EPHA6: variants seen among roughly 807,000 people sequenced by gnomAD.
The protein encoded by EPHA6 is ephrin type-A receptor 6.
Under a neutral mutation model 112.0 loss-of-function variants are expected in EPHA6, and 50 were observed. The ratio of observed to expected loss-of-function variants is 0.45; its 90% confidence interval spans 0.36 to 0.56. The LOEUF (loss-of-function observed/expected upper bound fraction) is 0.56. EPHA6 is among the 20% of genes least tolerant of loss of function. EPHA6 has a pLI of 0.00. For synonymous variants in EPHA6, 529 were observed against 490.7 expected (o/e 1.08, Z -1.03); for missense variants, 1,280 against 1,417.4 (o/e 0.90, Z 1.56).
chr3:97,111,717 A>G (rs888710392), intron 3 of EPHA6, among the ~76,000 whole-genome samples: 5 of 152,092 alleles, frequency 3.3e-5, no homozygotes, highest in Admixed American at 6.6e-5. Flanking sequence ...CCATTCAAGC[A>G]ATGTACACTT....
intron 2 of EPHA6, among the ~76,000 whole-genome samples, chr3:96,926,079 CAA>C (rs1328210702): frequency 6.6e-6 from 1 of 152,042 alleles, no homozygotes; most frequent in African/African-American, 2.4e-5. Flanking sequence ...AATTTATAAA[CAA>C]AAGAGATTTA....
intron 3 of EPHA6, among the ~76,000 whole-genome samples, chr3:97,171,437 C>T (rs904900876): frequency 7.2e-5 from 11 of 151,730 alleles, no homozygotes; most frequent in African/African-American, 2.7e-4. Context: ...ATTGAATCAC[C>T]TATATTTATA....
chr3:97,327,317 T>C (rs762490420), intron 5 of EPHA6, among the ~76,000 whole-genome samples: 11 of 152,150 alleles, frequency 7.2e-5, no homozygotes, highest in East Asian at 1.9e-4. Flanking sequence ...CACATGCAAA[T>C]ATAAGAAATA....
intron 2 of EPHA6, among the ~76,000 whole-genome samples, chr3:96,974,480 CTT>C (rs200707051): frequency 7.0e-6 from 1 of 141,942 alleles, no homozygotes. Context: ...TCCTCTGTCT[CTT>C]TTTTTTTTTA....
At chr3:97,095,552 C>T (rs1168195627) in intron 3 of EPHA6, among the ~76,000 whole-genome samples, 5 of 151,924 alleles carry the variant, frequency 3.3e-5, no homozygotes, top group African/African-American at 1.2e-4. Flanking sequence ...ATTATTCAAA[C>T]ACTCATCAGA....
At chr3:96,936,211 G>A (rs2040573665) in intron 2 of EPHA6, among the ~76,000 whole-genome samples, 1 of 151,928 alleles carries the variant, frequency 6.6e-6, no homozygotes, top group Non-Finnish European at 1.5e-5. Context: ...CGTCATTTTA[G>A]GCCCCAGAGT....
rs150381453 is a variant in EPHA6 at position 97,526,718 on chromosome 3, T to C, written c.2201-5640T>C. Among the ~76,000 whole-genome samples the C allele has an allele frequency of 1.6e-3, 236 of 152,230 alleles. 1 individual carries two copies. The highest frequency in any genetic ancestry group is 5.4e-3 in the African/African-American group (224 of 41,556). ...TTCAGGATCTGTTATGGGATGGAAG[T>C]TGTCAAGCCCATTAGCACTGATGGG... On this transcript the variant is annotated intron_variant, in intron 10 of 17. Coordinates refer to ENST00000389672, the MANE Select transcript of EPHA6 (RefSeq NM_001080448.3).
rs367550597 is a variant in EPHA6 at position 96,829,068 on chromosome 3, C to T, written c.385+14060C>T. Among the ~76,000 whole-genome samples the T allele has an allele frequency of 7.9e-5, 12 of 152,210 alleles. No homozygotes were observed. In the South Asian group the frequency reaches 1.9e-3, roughly 24 times the overall value. Reference sequence around the variant, plus strand: ...TTGTTTTGGAGGTTGGAAGCTGTCTCAGCCCAACTTTATAATGGTTGTGAA... The same window carrying T: ...TTGTTTTGGAGGTTGGAAGCTGTCTTAGCCCAACTTTATAATGGTTGTGAA... On this transcript the variant is annotated intron_variant, in intron 1 of 17. Transcript: ENST00000389672.
chr3:97,654,911 G>C (rs75823807), intron 14 of EPHA6, among the ~76,000 whole-genome samples: 3,970 of 151,514 alleles, frequency 0.026, 150 homozygotes, highest in African/African-American at 0.089. Flanking sequence ...GCTCATTCTG[G>C]CTGTATATTG....
At chr3:96,916,745 C>T (rs554185762) in intron 2 of EPHA6, among the ~76,000 whole-genome samples, 9 of 152,122 alleles carry the variant, frequency 5.9e-5, no homozygotes, top group East Asian at 1.9e-4. Context: ...GACTTATTAG[C>T]GCTTGAGAAT....
intron 3 of EPHA6, among the ~76,000 whole-genome samples, chr3:97,009,402 A>C (rs1199005435): frequency 6.6e-6 from 1 of 152,194 alleles, no homozygotes; most frequent in East Asian, 1.9e-4. Context: ...ATACTGCCAC[A>C]GCCAGTATTT....
At chr3:97,058,316 G>T (rs1182774606) in intron 3 of EPHA6, among the ~76,000 whole-genome samples, 1 of 150,948 alleles carries the variant, frequency 6.6e-6, no homozygotes, top group African/African-American at 2.4e-5. Flanking sequence ...TGTTGTTGTT[G>T]AGACAAGTTT....
chr3:97,041,620 C>T (rs188679716), intron 3 of EPHA6, among the ~76,000 whole-genome samples: 4 of 152,136 alleles, frequency 2.6e-5, no homozygotes, highest in African/African-American at 4.8e-5. Context: ...ATTCTCACAT[C>T]GCTATTAAAA....
At chr3:97,177,616 A>G (rs2076872443) in intron 3 of EPHA6, among the ~76,000 whole-genome samples, 2 of 151,904 alleles carry the variant, frequency 1.3e-5, no homozygotes, top group South Asian at 4.1e-4. Flanking sequence ...CAACCCCTTT[A>G]TATATCTGTG....
intron 5 of EPHA6, among the ~76,000 whole-genome samples, chr3:97,371,383 T>G (rs2085043843): frequency 6.6e-6 from 1 of 152,052 alleles, no homozygotes; most frequent in African/African-American, 2.4e-5. Context: ...GTTCCCCAAA[T>G]TAATACTTTT....
intron 10 of EPHA6, among the ~76,000 whole-genome samples, chr3:97,512,872 G>T (rs1174956467): frequency 6.6e-6 from 1 of 152,080 alleles, no homozygotes; most frequent in African/African-American, 2.4e-5. Flanking sequence ...GCCCAATACT[G>T]ATTGTTTTTA....
At chr3:97,533,623 A>T (rs956917243) in intron 11 of EPHA6, among the ~76,000 whole-genome samples, 3 of 151,996 alleles carry the variant, frequency 2.0e-5, no homozygotes, top group African/African-American at 7.2e-5. Context: ...TTTTCTATGT[A>T]ACAAACCTTG....
At chr3:97,374,314 T>C (rs1484944774) in intron 5 of EPHA6, among the ~76,000 whole-genome samples, 1 of 152,114 alleles carries the variant, frequency 6.6e-6, no homozygotes, top group African/African-American at 2.4e-5. Flanking sequence ...CACACCCTTT[T>C]ACCTACTAAT....
intron 5 of EPHA6, among the ~76,000 whole-genome samples, chr3:97,315,302 A>G (rs2081768982): frequency 6.6e-6 from 1 of 151,706 alleles, no homozygotes; most frequent in Non-Finnish European, 1.5e-5. Flanking sequence ...AAGTTTGTGT[A>G]AAGGAACAGA....
Sources: allele counts gnomAD v4.1 joint callset (sites outside exome capture counted in the v4.1 genomes callset), GRCh38; gene constraint gnomAD v4.1.1; transcripts MANE v1.5; gene names NCBI Gene and HGNC (gene_info 2026-07-23, HGNC 2026-07-21).